The following KIRREL1 variants were observed in gnomAD, a reference collection of about 807,000 sequenced individuals.
The protein encoded by KIRREL1 is kirre like nephrin family adhesion molecule 1, also known as kin of IRRE-like protein 1.
KIRREL1 carries 25 observed loss-of-function variants against 83.3 expected under a neutral mutation model. The ratio of observed to expected loss-of-function variants is 0.30; its 90% CI spans 0.22 to 0.42. KIRREL1 has a LOEUF of 0.42. Among genes scored for constraint, KIRREL1 ranks in the 10% least tolerant of loss-of-function variants. The pLI is 1.00. For synonymous variants in KIRREL1, 388 were observed against 410.4 expected, an observed-to-expected ratio of 0.95 and a Z score of 0.66; for missense variants, 812 against 1,032.3, an observed-to-expected ratio of 0.79 and a Z score of 2.92.
At chr1:158,076,886 C>T (rs988545153) in intron 2 of KIRREL1, among the ~76,000 whole-genome samples, 5 of 152,174 alleles carry the variant, frequency 3.3e-5, no homozygotes, top group Non-Finnish European at 2.9e-5. Context: ...GTAAAGAGAC[C>T]TTTGGAAAGG....
chr1:158,046,177 G>T (rs1375189449), intron 1 of KIRREL1, among the ~76,000 whole-genome samples: 2 of 152,204 alleles, frequency 1.3e-5, no homozygotes, highest in Non-Finnish European at 2.9e-5. Context: ...GATAGCTTGG[G>T]CACCATTGGC....
At chr1:157,997,193 T>A (rs943817785) in intron 1 of KIRREL1, among the ~76,000 whole-genome samples, 5 of 152,190 alleles carry the variant, frequency 3.3e-5, no homozygotes, top group African/African-American at 1.2e-4. Context: ...CGCATCCAGC[T>A]CCCACCTCCA....
intron 1 of KIRREL1, among the ~76,000 whole-genome samples, chr1:158,022,441 C>T (rs760732692): frequency 1.3e-5 from 2 of 152,144 alleles, no homozygotes; most frequent in African/African-American, 4.8e-5. Flanking sequence ...TGCCACCCAG[C>T]GGATTCTGAC....
intron 1 of KIRREL1, among the ~76,000 whole-genome samples, chr1:158,044,356 A>G (rs1660718352): frequency 6.6e-6 from 1 of 152,166 alleles, no homozygotes; most frequent in African/African-American, 2.4e-5. Flanking sequence ...GAGAGCTTCC[A>G]TCCTCTCTGG....
intron 1 of KIRREL1, among the ~76,000 whole-genome samples, chr1:158,024,467 CAG>C (rs1660108802): frequency 6.6e-6 from 1 of 151,510 alleles, no homozygotes; most frequent in South Asian, 2.1e-4. Flanking sequence ...TTAGTAGAGA[CAG>C]GGTTTCACCA....
rs758515263 is a variant in KIRREL1, at chr1:158,094,420, A to C, written c.1797+30A>C. On this transcript the variant is annotated intron_variant, in intron 14 of 14. Coordinates refer to ENST00000359209, the MANE Select transcript of KIRREL1 (RefSeq NM_018240.7). This position sits in a 1 kb window ranked among gnomAD's most constrained non-coding sequence, Gnocchi z 4.6. ...GAAAGGGGGAAGGGGCCAGGGCATG[A>C]GGGCTGGTGGGCCAGTGGGTTTCTG... 1.2e-6 allele frequency: 2 copies of C among 1,601,094 alleles called. No homozygotes were observed. Among genetic ancestry groups the C allele is most frequent in the Non-Finnish European group, 1.7e-6 (2 of 1,170,510 alleles).
intron 1 of KIRREL1, among the ~76,000 whole-genome samples, chr1:158,070,945 C>A (rs1015113485): frequency 1.3e-5 from 2 of 152,286 alleles, no homozygotes; most frequent in South Asian, 2.1e-4. Context: ...TGCCTGCAAA[C>A]CCTGGCTGGG....
intron 1 of KIRREL1, among the ~76,000 whole-genome samples, chr1:157,994,943 G>A (rs969115342): frequency 3.3e-5 from 5 of 152,218 alleles, no homozygotes; most frequent in African/African-American, 7.2e-5. Context: ...GTATGCAGGC[G>A]TTTACAAGGA....
chr1:158,002,543 T>C (rs1256832889), intron 1 of KIRREL1, among the ~76,000 whole-genome samples: 1 of 152,186 alleles, frequency 6.6e-6, no homozygotes, highest in Admixed American at 6.5e-5. Flanking sequence ...CTTATGAGCA[T>C]TGTTTTTTTA....
At chr1:158,069,202 C>G (rs943436459) in intron 1 of KIRREL1, among the ~76,000 whole-genome samples, 2 of 151,914 alleles carry the variant, frequency 1.3e-5, no homozygotes, top group Non-Finnish European at 2.9e-5. Flanking sequence ...GAGACAAGTA[C>G]TTGAATGTGG....
chr1:158,062,044 G>A (rs1370853545), intron 1 of KIRREL1, among the ~76,000 whole-genome samples: 2 of 152,172 alleles, frequency 1.3e-5, no homozygotes, highest in African/African-American at 2.4e-5. Context: ...CAGTGTGCAT[G>A]CCCTAAAGAG....
At chr1:158,089,867 C>A in intron 10 of KIRREL1, 49 bp downstream of exon 10, 1 of 1,517,084 alleles carries the variant, frequency 6.6e-7, no homozygotes, top group South Asian at 1.1e-5. Context: ...TGCTTCTTTG[C>A]CCAGGCCCAG....
At chr1:158,041,169 T>A (rs1660616162) in intron 1 of KIRREL1, among the ~76,000 whole-genome samples, 1 of 152,154 alleles carries the variant, frequency 6.6e-6, no homozygotes. Context: ...CACAATAAAC[T>A]GTGGTAAGTT....
intron 1 of KIRREL1, among the ~76,000 whole-genome samples, chr1:158,040,230 C>A (rs1217001306): frequency 6.6e-6 from 1 of 152,208 alleles, no homozygotes; most frequent in African/African-American, 2.4e-5. Context: ...CATTCCTGGG[C>A]TTGACCTCCA....
Position 158,084,554 on chromosome 1 carries a change from A to C in KIRREL1, c.485A>C (p.Gln162Pro). The C allele has an allele frequency of 6.4e-7, 1 of 1,551,744 alleles. No homozygotes were observed. The highest frequency in any genetic ancestry group is 1.2e-5 in the South Asian group (1 of 84,066). ...ATIIWFRDGT[Q>P]QEGAVASTEL... ...ATCATCTGGTTCCGGGACGGGACGCAGCAGGAGGGCGCTGTGGCCAGCACG... is the reference window on the plus strand; with the variant it reads ...ATCATCTGGTTCCGGGACGGGACGCCGCAGGAGGGCGCTGTGGCCAGCACG... The change falls in exon 4 of 15, where the codon CAG (glutamine) becomes CCG (proline). Residue 162 changes from glutamine (Q) to proline (P), a missense_variant. This residue lies in a region of KIRREL1 where 472 missense variants were observed against 626.8 expected (regional missense o/e 0.75). Coordinates refer to ENST00000359209, the MANE Select transcript of KIRREL1 (RefSeq NM_018240.7).
At chr1:158,065,466 C>A (rs1032534433) in intron 1 of KIRREL1, among the ~76,000 whole-genome samples, 3 of 152,000 alleles carry the variant, frequency 2.0e-5, no homozygotes, top group African/African-American at 7.3e-5. Flanking sequence ...GGGTTAGACT[C>A]CAGGAAAAAT....
At chr1:158,025,328 G>T (rs1199108207) in intron 1 of KIRREL1, among the ~76,000 whole-genome samples, 1 of 152,130 alleles carries the variant, frequency 6.6e-6, no homozygotes. Flanking sequence ...AGGGGAAAGA[G>T]AAAACTCGGG....
chr1:158,061,700 A>G (rs1321414092), intron 1 of KIRREL1, among the ~76,000 whole-genome samples: 1 of 152,174 alleles, frequency 6.6e-6, no homozygotes, highest in African/African-American at 2.4e-5. Context: ...GGGTGCCCCC[A>G]GATCAGCAGA....
intron 1 of KIRREL1, among the ~76,000 whole-genome samples, chr1:158,025,355 G>A (rs1168887028): frequency 2.0e-5 from 3 of 152,088 alleles, no homozygotes; most frequent in Admixed American, 6.5e-5. Flanking sequence ...ACAGAGAAAG[G>A]GGAGCTGGGA....
Sources: allele counts gnomAD v4.1 joint callset (sites outside exome capture counted in the v4.1 genomes callset), GRCh38; gene constraint gnomAD v4.1.1; regional missense constraint gnomAD v4.1.1; non-coding constraint Gnocchi (gnomAD v3.1); transcripts MANE v1.5; gene names NCBI Gene and HGNC (gene_info 2026-07-23, HGNC 2026-07-21).